Variants in XKR6 observed in about 807,000 individuals in gnomAD.
The protein encoded by XKR6 is XK related 6.
In XKR6, 22 loss-of-function variants were observed where a neutral mutation model predicts 56.7. The ratio of observed to expected loss-of-function variants is 0.39; its 90% CI spans 0.28 to 0.55. XKR6 has a LOEUF of 0.55. XKR6 is among the 20% of genes least tolerant of loss of function. The probability of loss-of-function intolerance (pLI) is 0.66; values close to 1 mark genes in which losing one functional copy is unlikely to be tolerated. For synonymous variants in XKR6, 524 were observed against 387.8 expected (o/e 1.35, Z -4.13); for missense variants, 852 against 889.0 (o/e 0.96, Z 0.53).
intron 1 of XKR6, among the ~76,000 whole-genome samples, chr8:11,199,681 G>C (rs927040929): frequency 3.9e-5 from 6 of 152,364 alleles, no homozygotes; most frequent in African/African-American, 1.4e-4. Context: ...GAGGCAGTCA[G>C]TGAAGGCCAC....
chr8:10,935,957 T>G (rs374245257), intron 1 of XKR6, among the ~76,000 whole-genome samples: 1 of 148,650 alleles, frequency 6.7e-6, no homozygotes, highest in African/African-American at 2.5e-5. Context: ...GGTATCCTTG[T>G]TGACTTTCTG....
At chr8:11,134,285 C>A (rs117667904) in intron 1 of XKR6, among the ~76,000 whole-genome samples, 17 of 152,188 alleles carry the variant, frequency 1.1e-4, no homozygotes, top group African/African-American at 3.9e-4. Context: ...CCTTTCCATA[C>A]CCTATCCCAA....
At chr8:11,103,588 C>T (rs1798567222) in intron 1 of XKR6, among the ~76,000 whole-genome samples, 1 of 152,118 alleles carries the variant, frequency 6.6e-6, no homozygotes, top group Non-Finnish European at 1.5e-5. Context: ...CAAAATGGGG[C>T]TGTAAAGGGT....
rs139246770 is a variant in XKR6 at position 10,902,336 on chromosome 8, T to C, written c.962-3420A>G. 8.2e-3 allele frequency among the ~76,000 whole-genome samples: 1,251 copies of C among 152,300 alleles called. 13 individuals are homozygous for C. Among genetic ancestry groups the C allele is most frequent in the Middle Eastern group, 0.017 (5 of 294 alleles). ...TCAACTTATGAATGGCCAAACCTTCTATCTAGGGGAGCTTCCCAGACCATC... is the reference window on the plus strand; with the variant it reads ...TCAACTTATGAATGGCCAAACCTTCCATCTAGGGGAGCTTCCCAGACCATC... On this transcript the variant is annotated intron_variant, in intron 2 of 2. Transcript: ENST00000416569.
chr8:11,167,158 C>G (rs908651217), intron 1 of XKR6, among the ~76,000 whole-genome samples: 1 of 152,064 alleles, frequency 6.6e-6, no homozygotes, highest in Non-Finnish European at 1.5e-5. Context: ...CCTAAACCAT[C>G]AAAAAACAAG....
chr8:11,085,771 T>G (rs914285977), intron 1 of XKR6, among the ~76,000 whole-genome samples: 1 of 152,172 alleles, frequency 6.6e-6, no homozygotes, highest in Non-Finnish European at 1.5e-5. Context: ...AGCAACGGTC[T>G]GGTTCCACCA....
intron 1 of XKR6, among the ~76,000 whole-genome samples, chr8:11,016,691 C>T (rs777425799): frequency 1.3e-5 from 2 of 152,200 alleles, no homozygotes; most frequent in African/African-American, 2.4e-5. Context: ...GCCCCGCCTC[C>T]GCCTCTGCCT....
At chr8:11,089,472 A>C (rs2129172262) in intron 1 of XKR6, among the ~76,000 whole-genome samples, 1 of 152,170 alleles carries the variant, frequency 6.6e-6, no homozygotes, top group South Asian at 2.1e-4. Context: ...CTCTACAAAA[A>C]AACTTGTTAA....
At chr8:11,148,876 G>A (rs1231554497) in intron 1 of XKR6, among the ~76,000 whole-genome samples, 1 of 152,154 alleles carries the variant, frequency 6.6e-6, no homozygotes, top group Non-Finnish European at 1.5e-5. Context: ...ACAACAACAT[G>A]AATGAATCTG....
intron 1 of XKR6, among the ~76,000 whole-genome samples, chr8:11,017,294 C>T (rs898671630): frequency 2.0e-5 from 3 of 152,214 alleles, no homozygotes; most frequent in Admixed American, 2.0e-4. Flanking sequence ...AGGGACAACC[C>T]GGACCCCAGG....
At chr8:10,943,186 T>C (rs529106081) in intron 1 of XKR6, among the ~76,000 whole-genome samples, 1 of 152,338 alleles carries the variant, frequency 6.6e-6, no homozygotes, top group Admixed American at 6.5e-5. Flanking sequence ...CTTGGCACCC[T>C]TCCATACCAT....
At chr8:10,915,864 C>T (rs1302064618) in intron 2 of XKR6, among the ~76,000 whole-genome samples, 1 of 151,992 alleles carries the variant, frequency 6.6e-6, no homozygotes, top group African/African-American at 2.4e-5. Context: ...TGTGCTGCGT[C>T]TCTCTCCATC....
intron 1 of XKR6, among the ~76,000 whole-genome samples, chr8:11,148,055 C>G (rs1414720471): frequency 6.6e-6 from 1 of 151,948 alleles, no homozygotes; most frequent in Non-Finnish European, 1.5e-5. Flanking sequence ...ACTAAAAATA[C>G]AAAAATTAGC....
At chr8:11,185,152 C>A (rs1803204692) in intron 1 of XKR6, among the ~76,000 whole-genome samples, 1 of 152,090 alleles carries the variant, frequency 6.6e-6, no homozygotes, top group East Asian at 1.9e-4. Context: ...GGCACCCTGT[C>A]CAGGACTGGT....
intron 1 of XKR6, chr8:11,138,221 GAC>G (rs924894311): frequency 1.3e-5 from 2 of 156,596 alleles, no homozygotes; most frequent in Middle Eastern, 3.1e-3. Context: ...ACCTACTTAG[GAC>G]ACACATGTGT....
At chr8:11,132,733 G>A (rs560303907) in intron 1 of XKR6, among the ~76,000 whole-genome samples, 1 of 150,140 alleles carries the variant, frequency 6.7e-6, no homozygotes, top group East Asian at 1.9e-4. Flanking sequence ...TCTTCATACT[G>A]GCTCTGTCCC....
At chr8:11,140,471 G>T (rs1056588856) in intron 1 of XKR6, among the ~76,000 whole-genome samples, 1 of 152,150 alleles carries the variant, frequency 6.6e-6, no homozygotes, top group Non-Finnish European at 1.5e-5. Flanking sequence ...ATGCCAGAAG[G>T]AAACAGAGAA....
chr8:11,005,326 T>C (rs1406169243), intron 1 of XKR6, among the ~76,000 whole-genome samples: 1 of 152,056 alleles, frequency 6.6e-6, no homozygotes, highest in Non-Finnish European at 1.5e-5. Flanking sequence ...TAAAACCACA[T>C]AAGGTGAAAT....
Position 11,200,844 on chromosome 8 carries a change from G to C in XKR6, c.496C>G (p.Leu166Val). ...KGDYVYFGLT[L>V]FFVLVPSLLV... ...AGCGACGGCACCAGCACGAAGAAGA[G>C]GGTCAGCCCGAAGTAGACGTAGTCC... is the stretch of plus-strand genomic sequence containing the variant. Residue 166 changes from leucine to valine, a missense_variant, in exon 1 of 3, where the codon CTC becomes GTC. Coordinates refer to ENST00000416569, the MANE Select transcript of XKR6 (RefSeq NM_173683.4). The surrounding 1 kb of genome is among the most constrained non-coding windows in gnomAD (Gnocchi z 6.4). The C allele has an allele frequency of 6.2e-7, 1 of 1,612,024 alleles. No homozygotes were observed. The highest frequency in any genetic ancestry group is 8.5e-7 in the Non-Finnish European group (1 of 1,179,524).
Sources: allele counts gnomAD v4.1 joint callset (sites outside exome capture counted in the v4.1 genomes callset), GRCh38; gene constraint gnomAD v4.1.1; non-coding constraint Gnocchi (gnomAD v3.1); transcripts MANE v1.5; gene names NCBI Gene and HGNC (gene_info 2026-07-23, HGNC 2026-07-21).